The following EXPH5 variants were observed in gnomAD, a reference collection of about 807,000 sequenced individuals.
EXPH5 encodes the protein exophilin 5, also known as exophilin-5.
In EXPH5, 42 loss-of-function variants were observed where a neutral mutation model predicts 41.1. That is an observed-to-expected ratio of 1.02 (90% CI 0.80 to 1.32). The LOEUF (loss-of-function observed/expected upper bound fraction) is 1.32, where lower values mean the gene tolerates loss of function less well. Ranked by LOEUF, EXPH5 falls within the 40% of genes most tolerant of loss-of-function variation. The pLI is 0.00. For missense variants in EXPH5, 2,298 were observed against 2,314.5 expected (o/e 0.99, Z 0.15); for synonymous variants, 798 against 833.5 (o/e 0.96, Z 0.73).
intron 1 of EXPH5, among the ~76,000 whole-genome samples, chr11:108,556,469 T>G (rs1047793847): frequency 6.6e-6 from 1 of 152,058 alleles, no homozygotes; most frequent in South Asian, 2.1e-4. Context: ...TTGTTTTGTT[T>G]TGTTTTGTTT....
the EXPH5 span, among the ~76,000 whole-genome samples, chr11:108,599,665 T>C: frequency 4.4e-4 from 67 of 152,366 alleles, no homozygotes; most frequent in African/African-American, 1.6e-3. Flanking sequence ...TTCTTCCTTA[T>C]AGCAATTCTA....
chr11:108,560,042 T>C (rs80232136), intron 1 of EXPH5, among the ~76,000 whole-genome samples: 2,127 of 152,266 alleles, frequency 0.014, 58 homozygotes, highest in African/African-American at 0.047. Context: ...CCACACACAC[T>C]AGTCAAATAT....
At chr11:108,523,258 C>A (rs564920279) in intron 4 of EXPH5, among the ~76,000 whole-genome samples, 74 of 152,240 alleles carry the variant, frequency 4.9e-4, no homozygotes, top group African/African-American at 1.7e-3. Flanking sequence ...ATCCTTATAA[C>A]AAATTTGTGA....
At chr11:108,589,236 A>G (rs986251501) in intron 1 of EXPH5, among the ~76,000 whole-genome samples, 3 of 152,224 alleles carry the variant, frequency 2.0e-5, no homozygotes, top group African/African-American at 7.2e-5. Flanking sequence ...CACACAGTAA[A>G]AAGCCCAATC....
At position 108,513,998 on chromosome 11, in the gene EXPH5, A is replaced by G. The variant is rs1188119001; in HGVS notation, c.1509T>C (p.Ser503=). 6.2e-7 allele frequency: 1 copy of G among 1,613,246 alleles called. No individual in the cohort carries two copies. Among genetic ancestry groups the G allele is most frequent in the Admixed American group, 1.7e-5 (1 of 59,908 alleles). ...TGGAAATCATTTCAAAGTCTCTGTC[A>G]GAAGAACTGAATGATTTCCTGCTTC... ...FHRSRKSFSS[S]DRDFEMISME... Residue 503 remains serine, a synonymous_variant, in exon 6 of 6, where the codon TCT becomes TCC. Transcript: ENST00000265843.
the EXPH5 span, among the ~76,000 whole-genome samples, chr11:108,603,068 C>T: frequency 2.2e-3 from 340 of 152,306 alleles, 2 homozygotes; most frequent in African/African-American, 8.0e-3. Flanking sequence ...CTTCTCTCTC[C>T]TGCCACCATG....
intron 1 of EXPH5, among the ~76,000 whole-genome samples, chr11:108,579,440 T>A (rs532904693): frequency 6.6e-6 from 1 of 152,108 alleles, no homozygotes; most frequent in Non-Finnish European, 1.5e-5. Flanking sequence ...TTTGCATTGA[T>A]GTTTATTAGT....
upstream of EXPH5, chr11:108,593,845 C>CCTCGT: frequency 8.9e-7 from 1 of 1,129,416 alleles, no homozygotes; most frequent in Non-Finnish European, 1.3e-6. Flanking sequence ...TCGTCCCCTC[C>CCTCGT]CTCGTCTCGT....
In EXPH5 at chr11:108,593,674, C is replaced by G. The variant is rs770339852; in HGVS notation, c.-138G>C. On this transcript the variant is annotated 5_prime_UTR_variant, in exon 1 of 6. Coordinates refer to ENST00000265843, the MANE Select transcript of EXPH5 (RefSeq NM_015065.3). The stretch of plus-strand genomic sequence containing the variant: ...AGTCCGCCCCTTTGAAAGTCTAAAA[C>G]CACAAACCTAGGGAACGCCCACACC... 2.7e-5 allele frequency: 42 copies of G among 1,562,364 alleles called. No homozygotes were observed. The highest frequency in any genetic ancestry group is 3.5e-5 in the Non-Finnish European group (40 of 1,154,196).
intron 4 of EXPH5, among the ~76,000 whole-genome samples, chr11:108,522,939 G>A (rs2135964351): frequency 6.6e-6 from 1 of 151,804 alleles, no homozygotes; most frequent in African/African-American, 2.4e-5. Context: ...CTGGAGTGCA[G>A]TGGTGCAATC....
intron 4 of EXPH5, among the ~76,000 whole-genome samples, chr11:108,525,020 T>C (rs1234362698): frequency 6.6e-6 from 1 of 152,182 alleles, no homozygotes; most frequent in African/African-American, 2.4e-5. Flanking sequence ...TCCCCCATAC[T>C]GTTCTCGTGG....
At chr11:108,531,049 T>C (rs1446659940) in intron 3 of EXPH5, among the ~76,000 whole-genome samples, 1 of 152,212 alleles carries the variant, frequency 6.6e-6, no homozygotes, top group East Asian at 1.9e-4. Context: ...GACTTGGTCA[T>C]TTCAAGGGAT....
chr11:108,566,359 G>A (rs1327544065), intron 1 of EXPH5, among the ~76,000 whole-genome samples: 1 of 152,142 alleles, frequency 6.6e-6, no homozygotes, highest in Non-Finnish European at 1.5e-5. Flanking sequence ...ATGGAGGGGG[G>A]TGGTGGGGAA....
intron 3 of EXPH5, among the ~76,000 whole-genome samples, chr11:108,537,392 T>G (rs907247643): frequency 3.3e-5 from 5 of 152,354 alleles, no homozygotes; most frequent in African/African-American, 1.2e-4. Context: ...TATTCCCATT[T>G]ATGTTTTGAA....
At position 108,508,004 on chromosome 11, in the gene EXPH5, C is replaced by CA. The variant is rs754113349; in HGVS notation, c.*1532dup. The CA allele has an allele frequency of 0.39, 26,244 of 66,580 alleles. 5,289 individuals carry two copies. Among genetic ancestry groups the CA allele is most frequent in the Middle Eastern group, 0.58 (30 of 52 alleles). The allele number at this position is 66,580 out of a possible 1,614,324, so 4.1% of individuals were successfully genotyped here. The stretch of plus-strand genomic sequence containing the variant: ...GAAACTCCAACTCTACTAAAAATAC[C>CA]AAAAAAAAAAAAAAAAAAAAAAAAA... On this transcript the variant is annotated 3_prime_UTR_variant, in exon 6 of 6. Coordinates refer to ENST00000265843, the MANE Select transcript of EXPH5 (RefSeq NM_015065.3).
intron 1 of EXPH5, 96 bp downstream of exon 1, chr11:108,593,322 G>A (rs917359141): frequency 9.3e-7 from 1 of 1,069,952 alleles, no homozygotes; most frequent in Non-Finnish European, 1.4e-6. Flanking sequence ...GAGCACCCCC[G>A]GGCAGGTGCC....
chr11:108,582,545 CAAT>C, intron 1 of EXPH5, among the ~76,000 whole-genome samples: 1 of 151,976 alleles, frequency 6.6e-6, no homozygotes, highest in South Asian at 2.1e-4. Context: ...TAAAAACCCT[CAAT>C]ATTAGCAAAT....
In EXPH5 at chr11:108,541,690, G is replaced by C. The variant is rs751608684; in HGVS notation, c.242C>G (p.Pro81Arg). 2 of 1,610,436 alleles carry C rather than the reference G, an allele frequency of 1.2e-6. No individual in the cohort carries two copies. Among genetic ancestry groups the C allele is most frequent in the South Asian group, 1.1e-5 (1 of 89,936 alleles). The change falls in exon 2 of 6, where the codon CCA (proline) becomes CGA (arginine). Residue 81 changes from proline (P) to arginine (R), a missense_variant. Coordinates refer to ENST00000265843, the MANE Select transcript of EXPH5 (RefSeq NM_015065.3). ...ETDVSQMLKQ[P>R]LTYRLSKEMA... The stretch of plus-strand genomic sequence containing the variant: ...CTCCTTACTTAGCCTGTATGTAAGT[G>C]GTTGTTTTAACATTTGGCTAACATC...
At chr11:108,555,371 C>A (rs1488108203) in intron 1 of EXPH5, among the ~76,000 whole-genome samples, 1 of 152,194 alleles carries the variant, frequency 6.6e-6, no homozygotes, top group Non-Finnish European at 1.5e-5. Flanking sequence ...CAGAAAATAA[C>A]CATTTATTGA....
Sources: gnomAD v4.1 joint callset for allele counts (sites outside exome capture counted in the v4.1 genomes callset) on GRCh38, gnomAD v4.1.1 for gene constraint, MANE v1.5 for transcripts, NCBI Gene and HGNC (gene_info 2026-07-23, HGNC 2026-07-21) for gene names.